FOXP1: variants seen among roughly 807,000 people sequenced by gnomAD.
FOXP1 encodes the protein forkhead box P1, also known as forkhead box protein P1.
FOXP1 carries 15 observed loss-of-function variants against 98.2 expected under a neutral mutation model. That is an observed-to-expected ratio of 0.15 (90% CI 0.10 to 0.24). FOXP1 has a LOEUF of 0.24. Ranked by LOEUF, FOXP1 falls within the 10% of genes least tolerant of loss-of-function variation. The pLI is 1.00. For missense variants in FOXP1, 633 were observed against 848.5 expected (o/e 0.75, Z 3.15); for synonymous variants, 371 against 314.5 (o/e 1.18, Z -1.90).
chr3:71,330,638 T>A (rs1033752630), intron 4 of FOXP1, among the ~76,000 whole-genome samples: 8 of 152,238 alleles, frequency 5.3e-5, no homozygotes, highest in Non-Finnish European at 1.0e-4. Context: ...AATTAAGACA[T>A]GAGTGCCCAA....
chr3:71,000,505 C>T (rs988574854), intron 13 of FOXP1, among the ~76,000 whole-genome samples: 5 of 151,998 alleles, frequency 3.3e-5, no homozygotes, highest in Non-Finnish European at 5.9e-5. Flanking sequence ...GTCTTGGTCT[C>T]GCTCGCTCTT....
rs200798845 is a variant in FOXP1, at chr3:71,088,398, T to G, written c.282+24138A>C. On this transcript the variant is annotated intron_variant, in intron 7 of 20. Coordinates refer to ENST00000649528, the MANE Select transcript of FOXP1 (RefSeq NM_001349338.3). ...ATGTGGTGATACATTGTTTTGTTTT[T>G]TGTTTTTTTTTTTTTGGCTTACCAG... Among the ~76,000 whole-genome samples, 23 of 112,850 alleles carry G rather than the reference T, an allele frequency of 2.0e-4. 1 individual carries two copies. The highest frequency in any genetic ancestry group is 1.8e-3 in the East Asian group (4 of 2,266). The allele number at this position is 112,850 out of a possible 152,430, so 74.0% of individuals were successfully genotyped here.
rs531416475 is a variant in FOXP1 at position 71,398,542 on chromosome 3, T to A, written c.-167-39298A>T. 3.9e-5 allele frequency among the ~76,000 whole-genome samples: 6 copies of A among 152,332 alleles called. No homozygotes were observed. The South Asian group carries it at 1.2e-3, about 32-fold the overall frequency. ...AAAATTTGTACACAACAATAAAACA[T>A]GTGGCTCATTTGTCATGCTTCCAGA... On this transcript the variant is annotated intron_variant, in intron 3 of 20. Transcript: ENST00000649528.
chr3:71,385,528 C>T (rs1480855954), intron 3 of FOXP1, among the ~76,000 whole-genome samples: 2 of 152,134 alleles, frequency 1.3e-5, no homozygotes, highest in East Asian at 1.9e-4. Flanking sequence ...CCTCTCCCCA[C>T]TTGCTGAGGT....
intron 5 of FOXP1, among the ~76,000 whole-genome samples, chr3:71,258,455 T>C (rs1374238434): frequency 6.6e-6 from 1 of 152,172 alleles, no homozygotes; most frequent in Non-Finnish European, 1.5e-5. Context: ...CATTCCTGTG[T>C]CAATCCTGAA....
chr3:71,249,123 A>G (rs977869383), intron 5 of FOXP1, among the ~76,000 whole-genome samples: 3 of 152,246 alleles, frequency 2.0e-5, no homozygotes, highest in African/African-American at 7.2e-5. Context: ...TGGAGTTTAG[A>G]GTCATGTGGA....
chr3:71,120,700 C>T (rs1002884081), intron 6 of FOXP1, among the ~76,000 whole-genome samples: 15 of 152,076 alleles, frequency 9.9e-5, no homozygotes, highest in Admixed American at 3.9e-4. Flanking sequence ...TGCGTGGGGA[C>T]GGTGGGGAAG....
intron 2 of FOXP1, among the ~76,000 whole-genome samples, chr3:71,515,557 G>A (rs1439650615): frequency 1.3e-5 from 2 of 151,812 alleles, no homozygotes; most frequent in Non-Finnish European, 2.9e-5. Context: ...ATCGGAGACA[G>A]GGGTCATCAA....
intron 7 of FOXP1, among the ~76,000 whole-genome samples, chr3:71,088,305 G>T (rs2055365314): frequency 6.6e-6 from 1 of 152,124 alleles, no homozygotes; most frequent in South Asian, 2.1e-4. Flanking sequence ...GTCAAACATG[G>T]GACTGTCATC....
intron 5 of FOXP1, among the ~76,000 whole-genome samples, chr3:71,264,482 A>G (rs1168454162): frequency 2.0e-5 from 3 of 152,228 alleles, no homozygotes; most frequent in Admixed American, 6.5e-5. Flanking sequence ...AGGAATGGAG[A>G]GCCATGAATG....
chr3:71,417,241 C>T (rs543883863), intron 3 of FOXP1, among the ~76,000 whole-genome samples: 1 of 152,310 alleles, frequency 6.6e-6, no homozygotes, highest in South Asian at 2.1e-4. Context: ...TGCAAATAAA[C>T]ATTTTGAGTC....
intron 6 of FOXP1, among the ~76,000 whole-genome samples, chr3:71,183,403 G>A (rs1292073549): frequency 7.9e-5 from 12 of 152,158 alleles, no homozygotes; most frequent in Admixed American, 7.9e-4. Flanking sequence ...GGAGGCTGAG[G>A]GAGGAGAATC....
In FOXP1 at chr3:71,367,609, A is replaced by G. The variant is rs189875898; in HGVS notation, c.-167-8365T>C. Among the ~76,000 whole-genome samples, 61 of 152,232 alleles carry G rather than the reference A, an allele frequency of 4.0e-4. 1 individual carries two copies. Among genetic ancestry groups the G allele is most frequent in the Middle Eastern group, 3.4e-3 (1 of 292 alleles). The stretch of plus-strand genomic sequence containing the variant: ...CGTGATGCTGAGTGGGTAAAACAAC[A>G]TATCTTTACCTAAAAAAATCCAAAA... On this transcript the variant is annotated intron_variant, in intron 3 of 20. Transcript: ENST00000649528.
chr3:71,112,451 A>G (rs2107747367), intron 7 of FOXP1, 85 bp downstream of exon 7: 2 of 1,061,466 alleles, frequency 1.9e-6, no homozygotes, highest in Non-Finnish European at 2.9e-6. Flanking sequence ...CATGATTTGC[A>G]ATGCTCAACA....
At chr3:71,389,230 G>A (rs1444838766) in intron 3 of FOXP1, among the ~76,000 whole-genome samples, 2 of 91,326 alleles carry the variant, frequency 2.2e-5, no homozygotes, top group Non-Finnish European at 4.6e-5. Flanking sequence ...TGCTATATCT[G>A]TAAGCGGCGG....
chr3:71,083,456 C>T (rs2054677597), intron 7 of FOXP1, among the ~76,000 whole-genome samples: 1 of 152,192 alleles, frequency 6.6e-6, no homozygotes. Flanking sequence ...GACACAAGAA[C>T]AGCCTAACAC....
intron 7 of FOXP1, among the ~76,000 whole-genome samples, chr3:71,058,317 A>G (rs1022179279): frequency 6.6e-6 from 1 of 152,238 alleles, no homozygotes; most frequent in East Asian, 1.9e-4. Flanking sequence ...TACTGTGTAT[A>G]CAAATAATAA....
intron 5 of FOXP1, among the ~76,000 whole-genome samples, chr3:71,299,603 T>C (rs879807059): frequency 2.0e-5 from 3 of 151,810 alleles, no homozygotes; most frequent in Non-Finnish European, 2.9e-5. Flanking sequence ...CAGAGAAGAG[T>C]TTGATAATAT....
At chr3:71,230,039 C>T (rs2066156111) in intron 5 of FOXP1, among the ~76,000 whole-genome samples, 2 of 147,812 alleles carry the variant, frequency 1.4e-5, no homozygotes, top group South Asian at 4.3e-4. Context: ...GCTCCTAAGG[C>T]AGCCTCAAGT....
Sources: allele counts gnomAD v4.1 joint callset (sites outside exome capture counted in the v4.1 genomes callset), GRCh38; gene constraint gnomAD v4.1.1; transcripts MANE v1.5; gene names NCBI Gene and HGNC (gene_info 2026-07-23, HGNC 2026-07-21).